Variants in PTPRT observed in about 807,000 individuals in gnomAD.
The protein encoded by PTPRT is protein tyrosine phosphatase receptor type T.
Under a neutral mutation model 176.8 loss-of-function variants are expected in PTPRT, and 56 were observed. The ratio of observed to expected loss-of-function variants is 0.32; its 90% CI spans 0.26 to 0.40. The LOEUF is 0.40. PTPRT is among the 10% of genes least tolerant of loss of function. The probability of loss-of-function intolerance (pLI) is 1.00; values close to 1 mark genes in which losing one functional copy is unlikely to be tolerated. For synonymous variants in PTPRT, 783 were observed against 739.0 expected (o/e 1.06, Z -0.96); for missense variants, 1,540 against 1,908.2 (o/e 0.81, Z 3.60).
At chr20:42,605,646 T>A (rs983442662) in intron 7 of PTPRT, among the ~76,000 whole-genome samples, 1 of 152,322 alleles carries the variant, frequency 6.6e-6, no homozygotes, top group South Asian at 2.1e-4. Flanking sequence ...TGGTTGTGGC[T>A]TTCAGAAACT....
At chr20:43,022,950 C>T (rs1049592017) in intron 1 of PTPRT, among the ~76,000 whole-genome samples, 1 of 152,182 alleles carries the variant, frequency 6.6e-6, no homozygotes, top group African/African-American at 2.4e-5. Context: ...TGCCTGAGGA[C>T]ACTAAGAGTG....
chr20:42,135,457 G>A (rs1040748144), intron 18 of PTPRT, among the ~76,000 whole-genome samples: 1 of 152,226 alleles, frequency 6.6e-6, no homozygotes, highest in Non-Finnish European at 1.5e-5. Context: ...CAGAAACTGT[G>A]GGGTGGGGCC....
At chr20:42,357,320 G>C (rs2058371349) in intron 9 of PTPRT, among the ~76,000 whole-genome samples, 1 of 152,122 alleles carries the variant, frequency 6.6e-6, no homozygotes, top group Non-Finnish European at 1.5e-5. Context: ...TTATTTTCTG[G>C]CCTTTCATAG....
intron 2 of PTPRT, among the ~76,000 whole-genome samples, chr20:42,821,556 G>A (rs2077894278): frequency 1.3e-5 from 2 of 152,108 alleles, no homozygotes; most frequent in African/African-American, 2.4e-5. Context: ...GGAAGTTCTG[G>A]CCAGGGTTAC....
rs543214597 is a variant in PTPRT at position 42,350,607 on chromosome 20, C to G, written c.1865+21G>C. 1.9e-6 allele frequency: 3 copies of G among 1,561,546 alleles called. No individual in the cohort carries two copies. In the African/African-American group the frequency reaches 4.1e-5, roughly 21 times the overall value. On this transcript the variant is annotated intron_variant, in intron 11 of 30. Transcript: ENST00000373187. ...CACAGAGAAGAAAAACTGCAGACTCCAAGTGAAGAACCATCCTCACCTGAC... is the reference window on the plus strand; with the variant it reads ...CACAGAGAAGAAAAACTGCAGACTCGAAGTGAAGAACCATCCTCACCTGAC...
At chr20:42,928,456 G>T (rs1030487125) in intron 1 of PTPRT, among the ~76,000 whole-genome samples, 1 of 152,210 alleles carries the variant, frequency 6.6e-6, no homozygotes, top group African/African-American at 2.4e-5. Flanking sequence ...AGTAAGAGGA[G>T]GAGGGAATCT....
chr20:42,764,185 G>T (rs2076952787), intron 5 of PTPRT, among the ~76,000 whole-genome samples: 1 of 152,130 alleles, frequency 6.6e-6, no homozygotes, highest in African/African-American at 2.4e-5. Context: ...TATAAGGCCT[G>T]CGATGCACCC....
At chr20:42,383,748 G>T (rs541978955) in intron 9 of PTPRT, among the ~76,000 whole-genome samples, 1 of 152,298 alleles carries the variant, frequency 6.6e-6, no homozygotes, top group South Asian at 2.1e-4. Flanking sequence ...AGCCCATTTA[G>T]CATCTTGAAT....
At chr20:43,017,235 T>G (rs73281237) in intron 1 of PTPRT, among the ~76,000 whole-genome samples, 31,028 of 152,112 alleles carry the variant, frequency 0.2, 3,317 homozygotes, top group Middle Eastern at 0.23. Flanking sequence ...TTTAATTTTT[T>G]TAAATATTGC....
At chr20:42,388,009 C>G (rs1338242176) in intron 9 of PTPRT, among the ~76,000 whole-genome samples, 1 of 152,078 alleles carries the variant, frequency 6.6e-6, no homozygotes, top group East Asian at 1.9e-4. Flanking sequence ...CCAGGCTCGT[C>G]TCGAACTCCT....
chr20:42,637,137 G>C (rs1014602631), intron 7 of PTPRT, among the ~76,000 whole-genome samples: 1 of 152,102 alleles, frequency 6.6e-6, no homozygotes, highest in African/African-American at 2.4e-5. Flanking sequence ...GATTCCATAG[G>C]TTTAAGTGAG....
chr20:42,048,530 C>T, the PTPRT span, among the ~76,000 whole-genome samples: 4 of 152,152 alleles, frequency 2.6e-5, no homozygotes, highest in Non-Finnish European at 5.9e-5. Flanking sequence ...ACGGCTGCCA[C>T]GTCGTGGGAG....
chr20:42,813,225 G>T (rs2077726574), intron 2 of PTPRT, among the ~76,000 whole-genome samples: 1 of 151,794 alleles, frequency 6.6e-6, no homozygotes. Flanking sequence ...CCATTATCCT[G>T]AACCCTCGCT....
intron 13 of PTPRT, chr20:42,270,287 G>T: frequency 1.1e-6 from 1 of 939,022 alleles, no homozygotes; most frequent in Non-Finnish European, 1.6e-6. Flanking sequence ...GGGGTGGGTG[G>T]GTGGGTGGGG....
intron 1 of PTPRT, among the ~76,000 whole-genome samples, chr20:43,184,725 C>G (rs2015347862): frequency 6.6e-6 from 1 of 151,954 alleles, no homozygotes; most frequent in Non-Finnish European, 1.5e-5. Context: ...CCATGCCTCA[C>G]TGACACCTCT....
At chr20:42,217,126 C>T (rs1329476172) in intron 15 of PTPRT, among the ~76,000 whole-genome samples, 1 of 152,128 alleles carries the variant, frequency 6.6e-6, no homozygotes, top group Admixed American at 6.5e-5. Flanking sequence ...GTAATCCCAG[C>T]ATTTTAGGAG....
At chr20:42,448,450 C>T (rs2070770903) in intron 8 of PTPRT, 121 bp from the exon 9 acceptor site, 5 of 710,850 alleles carry the variant, frequency 7.0e-6, no homozygotes, top group South Asian at 6.6e-5. Context: ...TATTTTAGGT[C>T]TGATGGGCTG....
chr20:42,206,329 C>T (rs553658800), intron 15 of PTPRT, among the ~76,000 whole-genome samples: 117 of 152,318 alleles, frequency 7.7e-4, no homozygotes, highest in African/African-American at 2.6e-3. Flanking sequence ...CCAGCGTGAG[C>T]GACGCAGAAG....
intron 1 of PTPRT, among the ~76,000 whole-genome samples, chr20:43,179,798 C>G (rs2015205065): frequency 6.6e-6 from 1 of 152,226 alleles, no homozygotes; most frequent in Non-Finnish European, 1.5e-5. Flanking sequence ...GTATTTTTCT[C>G]CAAGAAACAA....
Sources: gnomAD v4.1 joint callset for allele counts (sites outside exome capture counted in the v4.1 genomes callset) on GRCh38, gnomAD v4.1.1 for gene constraint, MANE v1.5 for transcripts, NCBI Gene and HGNC (gene_info 2026-07-23, HGNC 2026-07-21) for gene names.